NADSYN1: variants seen among roughly 807,000 people sequenced by gnomAD.
NADSYN1 encodes the protein glutamine-dependent NAD(+) synthetase.
NADSYN1 carries 80 observed loss-of-function variants against 99.3 expected under a neutral mutation model. That is an observed-to-expected ratio of 0.81 (90% CI 0.67 to 0.97). The LOEUF (loss-of-function observed/expected upper bound fraction) is 0.97. Ranked by LOEUF, NADSYN1 falls within the 50% of genes least tolerant of loss-of-function variation. NADSYN1 has a pLI of 0.00. For missense variants in NADSYN1, 859 were observed against 948.5 expected (o/e 0.91, Z 1.24); for synonymous variants, 385 against 372.1 (o/e 1.03, Z -0.40).
chr11:71,481,952 G>A lies in NADSYN1; in HGVS notation c.1077G>A (p.Gly359=). ...GGTTTTTGCTGCCCTTGAGTGGCGG[G>A]GTGGACAGCGCAGCCACCGCCTGCC... The part of the protein sequence containing the change: ...QAGFLLPLSG[G]VDSAATACLI... Residue 359 remains glycine, a synonymous_variant, in exon 13 of 21, where the codon GGG becomes GGA. Coordinates refer to ENST00000319023, the MANE Select transcript of NADSYN1 (RefSeq NM_018161.5). 1 of 1,609,786 alleles carries A rather than the reference G, an allele frequency of 6.2e-7. No homozygotes were observed. The highest frequency in any genetic ancestry group is 8.5e-7 in the Non-Finnish European group (1 of 1,178,340).
Position 71,473,994 on chromosome 11 carries a change from C to T in NADSYN1, c.666+308C>T, listed in dbSNP as rs543636205. ...GGGAACACCCGTACGTTTGCTGCTC[C>T]TGCTGTTGGGCAGTGAGACGTGCGA... On this transcript the variant is annotated intron_variant, in intron 8 of 20. Coordinates refer to ENST00000319023, the MANE Select transcript of NADSYN1 (RefSeq NM_018161.5). Among the ~76,000 whole-genome samples, 4 of 152,212 alleles carry T rather than the reference C, an allele frequency of 2.6e-5. No homozygotes were observed. The East Asian group carries it at 7.7e-4, about 29-fold the overall frequency.
At chr11:71,490,505 G>A (rs929250629) in intron 16 of NADSYN1, among the ~76,000 whole-genome samples, 1 of 152,138 alleles carries the variant, frequency 6.6e-6, no homozygotes, top group South Asian at 2.1e-4. Context: ...GCGGCCGCCC[G>A]GGCAGCAGAG....
Position 71,462,010 on chromosome 11 carries a change from C to T in NADSYN1, c.264-1422C>T, listed in dbSNP as rs552563154. Among the ~76,000 whole-genome samples, 35 of 152,304 alleles carry T rather than the reference C, an allele frequency of 2.3e-4. 1 individual carries two copies. Among genetic ancestry groups the T allele is most frequent in the Admixed American group, 6.5e-4 (10 of 15,298 alleles). ...CTGCATGCATCTTGCCCTTTCATCC[C>T]CATTTTTGGGAGGAAGAATCAAGGC... is the stretch of plus-strand genomic sequence containing the variant. On this transcript the variant is annotated intron_variant, in intron 3 of 20. Coordinates refer to ENST00000319023, the MANE Select transcript of NADSYN1 (RefSeq NM_018161.5).
At position 71,463,486 on chromosome 11, in the gene NADSYN1, G is replaced by A. The variant is rs756656482; in HGVS notation, c.317+1G>A. On this transcript the variant is annotated splice_donor_variant, in intron 4 of 20. Coordinates refer to ENST00000319023, the MANE Select transcript of NADSYN1 (RefSeq NM_018161.5). LOFTEE classifies it high-confidence loss of function. ...ACTGCAGAGTGATATTCCTCAACAG[G>A]TAGGCCCCCTGCCCCCACCCCGGGA... 6.2e-7 allele frequency: 1 copy of A among 1,613,838 alleles called. No individual in the cohort carries two copies. The highest frequency in any genetic ancestry group is 8.5e-7 in the Non-Finnish European group (1 of 1,179,800).
At chr11:71,478,143 G>T (rs1949682283) in intron 9 of NADSYN1, among the ~76,000 whole-genome samples, 2 of 151,914 alleles carry the variant, frequency 1.3e-5, no homozygotes, top group Admixed American at 1.3e-4. Context: ...TATTGACAGG[G>T]TGGTGTCTTG....
At chr11:71,491,794 C>T (rs774773700) in intron 17 of NADSYN1, 40 bp from the exon 18 acceptor site, 147 of 1,595,910 alleles carry the variant, frequency 9.2e-5, no homozygotes, top group Non-Finnish European at 1.2e-4. Context: ...ACACCACCCT[C>T]GCAGCTGCAC....
chr11:71,482,100 G>A, intron 13 of NADSYN1, 75 bp downstream of exon 13: 1 of 1,362,388 alleles, frequency 7.3e-7, no homozygotes, highest in African/African-American at 1.4e-5. Flanking sequence ...GACCTAGGAG[G>A]GGGCAGAGGA....
chr11:71,455,089 T>C, intron 1 of NADSYN1, 21 bp from the exon 2 acceptor site: 1 of 1,601,446 alleles, frequency 6.2e-7, no homozygotes, highest in Non-Finnish European at 8.5e-7. Context: ...CTCCATTTTC[T>C]TTTTCTCTCT....
intron 9 of NADSYN1, among the ~76,000 whole-genome samples, chr11:71,478,181 T>C (rs1949682516): frequency 6.6e-6 from 1 of 152,170 alleles, no homozygotes; most frequent in South Asian, 2.1e-4. Context: ...CACTGGCAAG[T>C]GTCTGAATGA....
intron 9 of NADSYN1, chr11:71,475,735 G>A: frequency 3.8e-6 from 1 of 261,370 alleles, no homozygotes; most frequent in Non-Finnish European, 7.6e-6. Context: ...TTGTTTTTGA[G>A]ATGGAGTCTT....
chr11:71,498,714 A>C (rs1369304408), intron 20 of NADSYN1, 186 bp downstream of exon 20: 1 of 577,858 alleles, frequency 1.7e-6, no homozygotes, highest in East Asian at 3.2e-5. Flanking sequence ...TTGACAAATA[A>C]AAATTCTATA....
intron 6 of NADSYN1, 78 bp downstream of exon 6, chr11:71,472,578 A>C: frequency 1.5e-6 from 2 of 1,353,672 alleles, no homozygotes; most frequent in Non-Finnish European, 1.1e-6. Flanking sequence ...GTGGGGCGGG[A>C]ACGCTTTGGG....
intron 9 of NADSYN1, chr11:71,476,872 G>C: frequency 3.0e-6 from 3 of 987,034 alleles, no homozygotes; most frequent in Non-Finnish European, 3.6e-6. Context: ...GTGAGCACCA[G>C]GCAGTTGTTT....
At chr11:71,469,010 A>G (rs1420618845) in intron 5 of NADSYN1, among the ~76,000 whole-genome samples, 1 of 152,210 alleles carries the variant, frequency 6.6e-6, no homozygotes, top group Non-Finnish European at 1.5e-5. Context: ...TGTGTGTGAA[A>G]AGGAAGGCAC....
At chr11:71,462,986 C>T (rs1298990056) in intron 3 of NADSYN1, among the ~76,000 whole-genome samples, 5 of 152,134 alleles carry the variant, frequency 3.3e-5, no homozygotes, top group Non-Finnish European at 5.9e-5. Context: ...GACCCAGTCC[C>T]GAGAAAGGGC....
Position 71,464,091 on chromosome 11 carries a change from A to T in NADSYN1, c.356A>T (p.Asn119Ile). ...LLIRPKMALA[N>I]EGNYRELRWF... is the part of the protein sequence containing the mutation. ...ATCAGACCCAAGATGGCCTTGGCCA[A>T]TGAAGGCAACTACCGCGAGCTGCGC... Residue 119 changes from asparagine to isoleucine, a missense_variant, in exon 5 of 21, where the codon AAT becomes ATT. By Grantham distance (149) the Asn-to-Ile change is moderately radical (BLOSUM62 -3). Coordinates refer to ENST00000319023, the MANE Select transcript of NADSYN1 (RefSeq NM_018161.5). 1.2e-6 allele frequency: 2 copies of T among 1,612,872 alleles called. No individual in the cohort carries two copies. Among genetic ancestry groups the T allele is most frequent in the Non-Finnish European group, 1.7e-6 (2 of 1,179,554 alleles).
intron 5 of NADSYN1, among the ~76,000 whole-genome samples, chr11:71,468,013 C>A (rs987656032): frequency 1.3e-5 from 2 of 152,178 alleles, no homozygotes; most frequent in Non-Finnish European, 2.9e-5. Context: ...GCAGCTAGAG[C>A]AACTCCTGCT....
Position 71,482,856 on chromosome 11 carries a change from A to G in NADSYN1, c.1158A>G (p.Glu386=). ...VCEAVRSGNE[E]VLADVRTIVN... ...TGTCCTGGTGGTTTTCAGATGAGGA[A>G]GTGCTGGCTGATGTCCGCACCATCG... Residue 386 remains glutamate, a synonymous_variant, in exon 14 of 21, where the codon GAA becomes GAG. Transcript: ENST00000319023. 6.2e-7 allele frequency: 1 copy of G among 1,612,358 alleles called. No homozygotes were observed.
chr11:71,467,122 G>A (rs553348017), intron 5 of NADSYN1, among the ~76,000 whole-genome samples: 1 of 152,152 alleles, frequency 6.6e-6, no homozygotes, highest in Non-Finnish European at 1.5e-5. Context: ...CTTGGTGGAG[G>A]GGGAGAGATG....
Sources: gnomAD v4.1 joint callset for allele counts (sites outside exome capture counted in the v4.1 genomes callset) on GRCh38, gnomAD v4.1.1 for gene constraint, MANE v1.5 for transcripts, NCBI Gene and HGNC (gene_info 2026-07-23, HGNC 2026-07-21) for gene names.